The following UBR3 variants were observed in gnomAD, a reference collection of about 807,000 sequenced individuals.
UBR3 encodes the protein ubiquitin protein ligase E3 component n-recognin 3.
Under a neutral mutation model 243.2 loss-of-function variants are expected in UBR3, and 85 were observed. The observed-to-expected ratio is 0.35, with a 90% CI of 0.29 to 0.42. The LOEUF (loss-of-function observed/expected upper bound fraction) is 0.42, where lower values mean the gene tolerates loss of function less well. UBR3 is among the 10% of genes least tolerant of loss of function. The probability of loss-of-function intolerance (pLI) is 1.00; values close to 1 mark genes in which losing one functional copy is unlikely to be tolerated. For missense variants in UBR3, 1,686 were observed against 2,300.8 expected (o/e 0.73, Z 5.47); for synonymous variants, 748 against 799.8 (o/e 0.94, Z 1.09).
chr2:170,073,288 A>G lies in UBR3; in HGVS notation c.5020-140A>G. 3.5e-6 allele frequency: 3 copies of G among 847,260 alleles called. No individual in the cohort carries two copies. In the South Asian group the frequency reaches 4.8e-5, roughly 14 times the overall value. The allele number at this position is 847,260 out of a possible 1,614,324, so 52.5% of individuals were successfully genotyped here. A position where few individuals can be genotyped will look rare whatever the true frequency, so the allele number is the denominator to read the frequency against. On this transcript the variant is annotated intron_variant, in intron 35 of 38. Transcript: ENST00000272793. ...AACCTTTTTCTCTCTTGTTTCTCTTACTCCCTTCACTTTTTTTCAGTTGAC... is the reference window on the plus strand; with the variant it reads ...AACCTTTTTCTCTCTTGTTTCTCTTGCTCCCTTCACTTTTTTTCAGTTGAC...
chr2:169,948,695 C>T (rs763910551), intron 22 of UBR3, among the ~76,000 whole-genome samples: 1 of 152,030 alleles, frequency 6.6e-6, no homozygotes, highest in Non-Finnish European at 1.5e-5. Flanking sequence ...CTTTAAAAAA[C>T]AGCTTGGATG....
In UBR3 at chr2:170,060,103, C is replaced by A. The variant is rs185023283; in HGVS notation, c.4786-976C>A. On this transcript the variant is annotated intron_variant, in intron 33 of 38. Coordinates refer to ENST00000272793, the MANE Select transcript of UBR3 (RefSeq NM_172070.4). Reference sequence around the variant, plus strand: ...GCCTTAAAAGTTTAGGTTAAACTTACATTCTGTGGTGTTTATCCCTTCCTA... The same window carrying A: ...GCCTTAAAAGTTTAGGTTAAACTTAAATTCTGTGGTGTTTATCCCTTCCTA... 1.3e-3 allele frequency among the ~76,000 whole-genome samples: 202 copies of A among 152,246 alleles called. 2 individuals carry two copies. Among genetic ancestry groups the A allele is most frequent in the African/African-American group, 4.6e-3 (191 of 41,560 alleles).
At chr2:170,078,905 C>G (rs2091860250) in intron 36 of UBR3, among the ~76,000 whole-genome samples, 2 of 152,080 alleles carry the variant, frequency 1.3e-5, no homozygotes, top group African/African-American at 4.8e-5. Flanking sequence ...TGAGTATTGG[C>G]AAATGATGTA....
intron 32 of UBR3, among the ~76,000 whole-genome samples, chr2:170,049,440 C>G (rs551593738): frequency 1.3e-5 from 2 of 152,136 alleles, no homozygotes; most frequent in South Asian, 4.1e-4. Flanking sequence ...TAGACCTGCA[C>G]AGTTCAAACC....
Position 170,039,419 on chromosome 2 carries a change from G to T in UBR3, c.4557-1463G>T, listed in dbSNP as rs377412177. The stretch of plus-strand genomic sequence containing the variant: ...TTTTAGACCTTGGCCTTGCAGAGAG[G>T]CTAGATAAACTTGAAAGACCGTATC... On this transcript the variant is annotated intron_variant, in intron 31 of 38. Transcript: ENST00000272793. 1.0e-3 allele frequency among the ~76,000 whole-genome samples: 157 copies of T among 152,112 alleles called. 2 individuals are homozygous for T. In the Middle Eastern group the frequency reaches 0.027, roughly 26 times the overall value.
intron 23 of UBR3, among the ~76,000 whole-genome samples, chr2:169,957,540 C>T (rs2087361938): frequency 7.5e-6 from 1 of 133,376 alleles, no homozygotes; most frequent in Non-Finnish European, 1.5e-5. Flanking sequence ...GGAAGGGGAA[C>T]ATCACACACC....
chr2:170,018,594 C>T (rs1333109281), intron 30 of UBR3, among the ~76,000 whole-genome samples: 2 of 152,120 alleles, frequency 1.3e-5, no homozygotes, highest in Non-Finnish European at 2.9e-5. Context: ...CTGATTCCAG[C>T]AGTGAATTTC....
intron 29 of UBR3, among the ~76,000 whole-genome samples, chr2:170,012,112 A>T (rs1041244830): frequency 3.9e-5 from 6 of 152,166 alleles, no homozygotes; most frequent in Admixed American, 2.0e-4. Context: ...ATGTACCTTC[A>T]TAGGTTACTT....
intron 20 of UBR3, among the ~76,000 whole-genome samples, chr2:169,943,576 G>A (rs908153255): frequency 6.6e-6 from 1 of 152,112 alleles, no homozygotes; most frequent in African/African-American, 2.4e-5. Flanking sequence ...ACTCCAGCCT[G>A]GGTGACAGAG....
At chr2:169,901,879 A>G (rs2084836526) in intron 8 of UBR3, among the ~76,000 whole-genome samples, 1 of 152,234 alleles carries the variant, frequency 6.6e-6, no homozygotes, top group Non-Finnish European at 1.5e-5. Context: ...CATGTGTTGT[A>G]TGACATAGGA....
chr2:170,077,186 T>C, intron 36 of UBR3: 1 of 652,692 alleles, frequency 1.5e-6, no homozygotes, highest in Non-Finnish European at 2.9e-6. Context: ...TTTTTTCAGT[T>C]GGTGTGTAGT....
intron 36 of UBR3, among the ~76,000 whole-genome samples, chr2:170,076,319 T>C (rs138735169): frequency 6.6e-6 from 1 of 152,358 alleles, no homozygotes; most frequent in African/African-American, 2.4e-5. Flanking sequence ...CTTTCACATC[T>C]TACCTGCCTG....
intron 25 of UBR3, among the ~76,000 whole-genome samples, chr2:169,988,076 T>C (rs1490392192): frequency 6.6e-6 from 1 of 152,208 alleles, no homozygotes; most frequent in Non-Finnish European, 1.5e-5. Context: ...GCTGTCCAAA[T>C]CAGAAATGCT....
At position 169,827,756 on chromosome 2, in the gene UBR3, G is replaced by C. The variant is rs1168854923; in HGVS notation, c.249G>C (p.Pro83=). 2 of 1,286,738 alleles carry C rather than the reference G, an allele frequency of 1.6e-6. No homozygotes were observed. The highest frequency in any genetic ancestry group is 3.1e-5 in the East Asian group (1 of 32,188). 79.7% of individuals were successfully genotyped at this position (1,286,738 alleles called of 1,614,324 possible). ...CGGCGGCCGGAGGCGGGGGCGGTCC[G>C]GGGGCGGCCGAGGAGGAGGCCCTGG... ...DAAAAGGGGG[P]GAAEEEALEW... is the part of the protein sequence containing the mutation. Residue 83 remains proline, a synonymous_variant, in exon 1 of 39, where the codon CCG becomes CCC. Transcript: ENST00000272793.
intron 30 of UBR3, among the ~76,000 whole-genome samples, chr2:170,028,231 A>G (rs1165587836): frequency 6.6e-6 from 1 of 151,892 alleles, no homozygotes; most frequent in African/African-American, 2.4e-5. Flanking sequence ...CATATGTTTT[A>G]TAACAGCTTC....
intron 25 of UBR3, among the ~76,000 whole-genome samples, chr2:169,988,040 T>C (rs2089102983): frequency 6.6e-6 from 1 of 152,232 alleles, no homozygotes; most frequent in African/African-American, 2.4e-5. Context: ...TTGGGAAATC[T>C]TGATTTAGTG....
At position 169,986,834 on chromosome 2, in the gene UBR3, C is replaced by G. The variant is rs150090818; in HGVS notation, c.3784+40C>G. On this transcript the variant is annotated intron_variant, in intron 25 of 38. Transcript: ENST00000272793. ...ATTTTTTCATGGGAACATTTTAGAG[C>G]TGAAGTATATACAACAGATTAATAA... 1,628 of 1,602,960 alleles carry G rather than the reference C, an allele frequency of 1.0e-3. 9 individuals are homozygous for G. The African/African-American group carries it at 0.019, about 19-fold the overall frequency.
intron 25 of UBR3, among the ~76,000 whole-genome samples, 189 bp from the exon 26 acceptor site, chr2:169,994,134 T>C (rs2089396632): frequency 6.6e-6 from 1 of 152,338 alleles, no homozygotes; most frequent in East Asian, 1.9e-4. Context: ...AAAGTAAATA[T>C]TGGCATATGT....
At chr2:169,890,155 A>G (rs1574132343) in intron 5 of UBR3, among the ~76,000 whole-genome samples, 1 of 152,136 alleles carries the variant, frequency 6.6e-6, no homozygotes, top group East Asian at 1.9e-4. Context: ...CTGCAAAGAC[A>G]GCAGGAACCT....
Sources: gnomAD v4.1 joint callset for allele counts (sites outside exome capture counted in the v4.1 genomes callset) on GRCh38, gnomAD v4.1.1 for gene constraint, MANE v1.5 for transcripts, NCBI Gene and HGNC (gene_info 2026-07-23, HGNC 2026-07-21) for gene names.